Variants in NEURL1 observed in about 807,000 individuals in gnomAD.
NEURL1 encodes the protein E3 ubiquitin-protein ligase NEURL1.
NEURL1 carries 26 observed loss-of-function variants against 41.2 expected under a neutral mutation model. The ratio of observed to expected loss-of-function variants is 0.63; its 90% CI spans 0.46 to 0.87. NEURL1 has a LOEUF of 0.87. Ranked by LOEUF, NEURL1 falls within the 40% of genes least tolerant of loss-of-function variation. The pLI, the probability that NEURL1 is intolerant of heterozygous loss-of-function variation, is 0.00. For missense variants in NEURL1, 761 were observed against 871.1 expected, an observed-to-expected ratio of 0.87 and a Z score of 1.59; for synonymous variants, 400 against 402.3, an observed-to-expected ratio of 0.99 and a Z score of 0.07.
rs371148709 is a variant in NEURL1 at position 103,570,185 on chromosome 10, A to T, written c.86-687A>T. Among the ~76,000 whole-genome samples, 3 of 152,112 alleles carry T rather than the reference A, an allele frequency of 2.0e-5. No individual in the cohort carries two copies. The East Asian group carries it at 5.8e-4, about 29-fold the overall frequency. On this transcript the variant is annotated intron_variant, in intron 1 of 5. Transcript: ENST00000369780. ...CCATTCTTCACGGTTCTGTTTCCCC[A>T]CGATGACAGGATGGGCGGGCTCTAC...
At chr10:103,513,779 G>C (rs935871412) in intron 1 of NEURL1, among the ~76,000 whole-genome samples, 6 of 151,326 alleles carry the variant, frequency 4.0e-5, no homozygotes, top group Non-Finnish European at 7.4e-5. Flanking sequence ...GGGGTGGGAG[G>C]ACAGGGGTGC....
chr10:103,581,239 T>A (rs1289372477), intron 3 of NEURL1, among the ~76,000 whole-genome samples: 2 of 152,224 alleles, frequency 1.3e-5, no homozygotes, highest in African/African-American at 4.8e-5. Flanking sequence ...AGCCAAGTGC[T>A]GGATCAGACA....
intron 1 of NEURL1, chr10:103,555,462 G>T (rs765947138): frequency 1.5e-6 from 2 of 1,322,044 alleles, no homozygotes; most frequent in Admixed American, 2.1e-5. Context: ...GCCCGAGACC[G>T]CCTGGGGAGG....
chr10:103,584,515 T>C, intron 3 of NEURL1, 21 bp from the exon 4 acceptor site: 1 of 1,329,328 alleles, frequency 7.5e-7, no homozygotes, highest in East Asian at 3.1e-5. Flanking sequence ...TGCGTGACAC[T>C]GCCCCGTGTC....
At chr10:103,544,713 A>T (rs1383456784) in intron 1 of NEURL1, among the ~76,000 whole-genome samples, 2 of 152,198 alleles carry the variant, frequency 1.3e-5, no homozygotes, top group Non-Finnish European at 1.5e-5. Context: ...GGGCTTGGCT[A>T]AGCAGGGTTG....
chr10:103,583,278 C>G (rs905645119), intron 3 of NEURL1, among the ~76,000 whole-genome samples: 3 of 152,074 alleles, frequency 2.0e-5, no homozygotes, highest in African/African-American at 7.2e-5. Context: ...TCATGAATGC[C>G]GAGAAATTAT....
At chr10:103,559,041 T>C (rs563310205) in intron 1 of NEURL1, among the ~76,000 whole-genome samples, 13 of 152,106 alleles carry the variant, frequency 8.5e-5, no homozygotes, top group Non-Finnish European at 1.9e-4. Flanking sequence ...GAAAGGGAAA[T>C]GGCTAACTGA....
intron 1 of NEURL1, among the ~76,000 whole-genome samples, chr10:103,540,149 C>A (rs7904046): frequency 0.24 from 37,029 of 152,158 alleles, 5,600 homozygotes; most frequent in African/African-American, 0.42. Flanking sequence ...TGCAATTCCT[C>A]ACAGACACAG....
At chr10:103,524,096 A>G (rs1450737042) in intron 1 of NEURL1, among the ~76,000 whole-genome samples, 5 of 152,246 alleles carry the variant, frequency 3.3e-5, no homozygotes, top group Non-Finnish European at 4.4e-5. Context: ...CCTTGCCAGC[A>G]TTTGTAATTT....
intron 3 of NEURL1, among the ~76,000 whole-genome samples, chr10:103,583,781 G>T (rs1321000291): frequency 2.5e-5 from 3 of 118,114 alleles, no homozygotes; most frequent in African/African-American, 9.4e-5. Context: ...AAGGCCAAAA[G>T]ATCATACATC....
intron 3 of NEURL1, among the ~76,000 whole-genome samples, chr10:103,574,507 C>A (rs972345899): frequency 3.3e-5 from 5 of 152,206 alleles, no homozygotes; most frequent in Non-Finnish European, 4.4e-5. Context: ...AACACCTTTC[C>A]CATTACCCTC....
At position 103,574,894 on chromosome 10, in the gene NEURL1, G is replaced by A. The variant is rs531986180; in HGVS notation, c.649+3072G>A. Among the ~76,000 whole-genome samples the A allele has an allele frequency of 2.0e-4, 31 of 152,264 alleles. 1 individual carries two copies. In the South Asian group the frequency reaches 5.8e-3, roughly 28 times the overall value. On this transcript the variant is annotated intron_variant, in intron 3 of 5. Transcript: ENST00000369780. Reference sequence around the variant, plus strand: ...GGCCCCAGCGGATTCCGTCCCAGCCGTAAATCACCATAATCCCTGGGTATT... The same window carrying A: ...GGCCCCAGCGGATTCCGTCCCAGCCATAAATCACCATAATCCCTGGGTATT...
At chr10:103,550,173 T>G (rs2035005138) in intron 1 of NEURL1, among the ~76,000 whole-genome samples, 1 of 152,192 alleles carries the variant, frequency 6.6e-6, no homozygotes, top group African/African-American at 2.4e-5. Context: ...TTGGGGAACC[T>G]GGATGAGAGA....
chr10:103,572,281 T>C (rs902567653), intron 3 of NEURL1, among the ~76,000 whole-genome samples: 1 of 152,198 alleles, frequency 6.6e-6, no homozygotes, highest in African/African-American at 2.4e-5. Flanking sequence ...CCAGGAGCCA[T>C]GGCCGTTGAG....
At position 103,504,711 on chromosome 10, in the gene NEURL1, G is replaced by A. The variant is rs543130702; in HGVS notation, c.85+10239G>A. Among the ~76,000 whole-genome samples the A allele has an allele frequency of 7.9e-5, 12 of 152,286 alleles. No individual in the cohort carries two copies. In the East Asian group the frequency reaches 9.6e-4, roughly 12 times the overall value. ...ACGCTCCACAGGGGTGGGTGTTTAC[G>A]TTCCACCTCCTGGAGGCCAGAGGCC... On this transcript the variant is annotated intron_variant, in intron 1 of 5. Coordinates refer to ENST00000369780, the MANE Select transcript of NEURL1 (RefSeq NM_004210.5).
chr10:103,507,413 A>T (rs2133847494), intron 1 of NEURL1, among the ~76,000 whole-genome samples: 1 of 152,214 alleles, frequency 6.6e-6, no homozygotes, highest in Non-Finnish European at 1.5e-5. Flanking sequence ...GCAGTCCTTT[A>T]TGCAAGGAGA....
intron 3 of NEURL1, among the ~76,000 whole-genome samples, chr10:103,573,878 G>A (rs903793565): frequency 2.0e-5 from 3 of 152,202 alleles, no homozygotes; most frequent in Admixed American, 6.5e-5. Context: ...CTTCCTGGGC[G>A]GAATTCTTCT....
chr10:103,536,145 G>A, intron 1 of NEURL1, among the ~76,000 whole-genome samples: 1 of 152,108 alleles, frequency 6.6e-6, no homozygotes, highest in African/African-American at 2.4e-5. Context: ...TGGGGGGATG[G>A]AATGGTAGAG....
At chr10:103,567,268 G>A (rs1380810793) in intron 1 of NEURL1, among the ~76,000 whole-genome samples, 1 of 152,082 alleles carries the variant, frequency 6.6e-6, no homozygotes, top group East Asian at 1.9e-4. Flanking sequence ...ACAGGTGTGA[G>A]CCACTGTGCC....
Sources: gnomAD v4.1 joint callset for allele counts (sites outside exome capture counted in the v4.1 genomes callset) on GRCh38, gnomAD v4.1.1 for gene constraint, MANE v1.5 for transcripts, NCBI Gene and HGNC (gene_info 2026-07-23, HGNC 2026-07-21) for gene names.